PPP2R2B: variants seen among roughly 807,000 people sequenced by gnomAD.
PPP2R2B encodes the protein protein phosphatase 2 regulatory subunit Bbeta, also known as serine/threonine-protein phosphatase 2A 55 kDa regulatory subunit B beta isoform.
Under a neutral mutation model 46.0 loss-of-function variants are expected in PPP2R2B, and 5 were observed. The observed-to-expected ratio is 0.11, with a 90% CI of 0.06 to 0.23. The LOEUF is 0.23. PPP2R2B is among the 10% of genes least tolerant of loss of function. The pLI is 1.00. For synonymous variants in PPP2R2B, 215 were observed against 206.7 expected (o/e 1.04, Z -0.34); for missense variants, 367 against 575.0 (o/e 0.64, Z 3.70).
intron 2 of PPP2R2B, among the ~76,000 whole-genome samples, chr5:146,877,730 T>C (rs533959073): frequency 7.2e-5 from 11 of 152,258 alleles, no homozygotes; most frequent in African/African-American, 2.6e-4. Flanking sequence ...GTCATCTTTC[T>C]GGGCGAGAGC....
At chr5:147,062,878 T>G (rs1339336047) in intron 2 of PPP2R2B, among the ~76,000 whole-genome samples, 1 of 149,990 alleles carries the variant, frequency 6.7e-6, no homozygotes, top group Non-Finnish European at 1.5e-5. Context: ...AGATCCAATA[T>G]GTGTTGAAAG....
intron 2 of PPP2R2B, among the ~76,000 whole-genome samples, chr5:146,753,734 G>A (rs1342722581): frequency 2.0e-5 from 3 of 152,086 alleles, no homozygotes; most frequent in Admixed American, 6.6e-5. Flanking sequence ...GCCAGAGTCC[G>A]GGAATAGCTG....
At chr5:146,733,408 A>G (rs1561865598) in intron 2 of PPP2R2B, among the ~76,000 whole-genome samples, 1 of 152,174 alleles carries the variant, frequency 6.6e-6, no homozygotes, top group Non-Finnish European at 1.5e-5. Flanking sequence ...CAACAGAACT[A>G]CCCTTGGCCC....
intron 5 of PPP2R2B, among the ~76,000 whole-genome samples, chr5:146,675,739 T>C (rs911847768): frequency 1.3e-5 from 2 of 152,116 alleles, no homozygotes; most frequent in African/African-American, 4.8e-5. Context: ...TTTCTTTGCA[T>C]GGACAGCAGA....
intron 1 of PPP2R2B, among the ~76,000 whole-genome samples, chr5:146,962,752 T>G (rs1002868882): frequency 6.6e-6 from 1 of 152,206 alleles, no homozygotes; most frequent in Non-Finnish European, 1.5e-5. Flanking sequence ...CCTTATTTGA[T>G]TCTCATCACC....
chr5:146,601,020 C>T (rs1771729499), intron 7 of PPP2R2B, among the ~76,000 whole-genome samples: 2 of 152,186 alleles, frequency 1.3e-5, no homozygotes, highest in African/African-American at 2.4e-5. Flanking sequence ...GGAAATTTCA[C>T]ATAAATAGAA....
At chr5:146,686,452 T>C (rs530736779) in intron 5 of PPP2R2B, among the ~76,000 whole-genome samples, 6 of 152,264 alleles carry the variant, frequency 3.9e-5, no homozygotes, top group Admixed American at 1.3e-4. Context: ...TCAGATGATC[T>C]GGAGAGAAAA....
chr5:146,861,609 C>T (rs182315144), intron 2 of PPP2R2B, among the ~76,000 whole-genome samples: 1 of 152,140 alleles, frequency 6.6e-6, no homozygotes, highest in African/African-American at 2.4e-5. Context: ...ACAATGGCAG[C>T]CTTACTGTTT....
At chr5:147,033,345 G>T (rs1326181761) in intron 1 of PPP2R2B, among the ~76,000 whole-genome samples, 3 of 151,952 alleles carry the variant, frequency 2.0e-5, no homozygotes, top group Non-Finnish European at 4.4e-5. Flanking sequence ...CTCCATGGAG[G>T]GATGATACAC....
chr5:146,711,969 T>C (rs1404067766), intron 2 of PPP2R2B, among the ~76,000 whole-genome samples: 1 of 152,220 alleles, frequency 6.6e-6, no homozygotes, highest in Non-Finnish European at 1.5e-5. Context: ...TCTCTTTTAT[T>C]TCTCTAAAGG....
chr5:146,738,790 T>C (rs1465455525), intron 2 of PPP2R2B, among the ~76,000 whole-genome samples: 1 of 152,194 alleles, frequency 6.6e-6, no homozygotes, highest in East Asian at 1.9e-4. Context: ...TAGCTTATAC[T>C]AGAGAACAAT....
chr5:146,916,057 A>G (rs1405760918), intron 1 of PPP2R2B, among the ~76,000 whole-genome samples: 3 of 152,194 alleles, frequency 2.0e-5, no homozygotes, highest in Non-Finnish European at 2.9e-5. Flanking sequence ...CTTGAAGACA[A>G]TACATTAGTA....
chr5:146,753,585 C>T lies in PPP2R2B; in HGVS notation c.71-52443G>A, dbSNP rs112266390. ...ATATTACAGGGAGGGAGATTCTTGCCAGCCAAGGACACTTGGCAGCTTGAA... is the reference window on the plus strand; with the variant it reads ...ATATTACAGGGAGGGAGATTCTTGCTAGCCAAGGACACTTGGCAGCTTGAA... On this transcript the variant is annotated intron_variant, in intron 2 of 9. Transcript: ENST00000394411. Among the ~76,000 whole-genome samples, 636 of 152,172 alleles carry T rather than the reference C, an allele frequency of 4.2e-3. 3 individuals carry two copies. The highest frequency in any genetic ancestry group is 0.014 in the African/African-American group (596 of 41,508).
intron 1 of PPP2R2B, among the ~76,000 whole-genome samples, chr5:146,927,152 A>G (rs1467598704): frequency 6.6e-6 from 1 of 152,210 alleles, no homozygotes; most frequent in African/African-American, 2.4e-5. Context: ...TTTTTAAAAA[A>G]TAAACACGTC....
chr5:146,997,204 T>C (rs187613579), intron 1 of PPP2R2B, among the ~76,000 whole-genome samples: 44 of 152,210 alleles, frequency 2.9e-4, no homozygotes, highest in African/African-American at 1.0e-3. Flanking sequence ...GCAACAATTG[T>C]GGGGTTTCAT....
chr5:146,829,600 T>C (rs1236205024), intron 2 of PPP2R2B, among the ~76,000 whole-genome samples: 1 of 152,300 alleles, frequency 6.6e-6, no homozygotes, highest in East Asian at 1.9e-4. Flanking sequence ...GTATGTTAAG[T>C]ACCTGCAGTG....
chr5:146,697,933 T>C, intron 4 of PPP2R2B, 46 bp downstream of exon 4: 1 of 1,554,080 alleles, frequency 6.4e-7, no homozygotes, highest in Non-Finnish European at 8.7e-7. Context: ...AGTATATAGT[T>C]TGGCCGACTG....
intron 1 of PPP2R2B, among the ~76,000 whole-genome samples, chr5:147,029,774 C>T (rs1755692671): frequency 6.6e-6 from 1 of 152,082 alleles, no homozygotes; most frequent in Admixed American, 6.6e-5. Context: ...GAGGTCAGAG[C>T]AAGAAGGAAG....
intron 2 of PPP2R2B, among the ~76,000 whole-genome samples, chr5:146,702,979 G>C (rs1026254179): frequency 2.0e-5 from 3 of 152,194 alleles, no homozygotes; most frequent in African/African-American, 7.2e-5. Flanking sequence ...CAGTGAGAAA[G>C]CCAGACACCT....
Sources: gnomAD v4.1 joint callset for allele counts (sites outside exome capture counted in the v4.1 genomes callset) on GRCh38, gnomAD v4.1.1 for gene constraint, MANE v1.5 for transcripts, NCBI Gene and HGNC (gene_info 2026-07-23, HGNC 2026-07-21) for gene names.